The following GRID2 variants were observed in gnomAD, a reference collection of about 807,000 sequenced individuals.
GRID2 encodes the protein glutamate receptor ionotropic, delta-2.
Under a neutral mutation model 114.8 loss-of-function variants are expected in GRID2, and 33 were observed. That is an observed-to-expected ratio of 0.29 (90% CI 0.22 to 0.38). GRID2 has a LOEUF of 0.38. Among genes scored for constraint, GRID2 ranks in the 10% least tolerant of loss-of-function variants. The pLI is 1.00. For missense variants in GRID2, 1,184 were observed against 1,257.7 expected (o/e 0.94, Z 0.89); for synonymous variants, 505 against 449.9 (o/e 1.12, Z -1.55).
intron 10 of GRID2, among the ~76,000 whole-genome samples, chr4:93,430,314 G>A (rs892754008): frequency 1.7e-4 from 26 of 152,070 alleles, no homozygotes; most frequent in African/African-American, 6.0e-4. Context: ...CCAAGTAGCT[G>A]TGATTACACG....
At chr4:93,784,045 C>T (rs1288250040) in intron 1 of GRID2, among the ~76,000 whole-genome samples, 2 of 113,730 alleles carry the variant, frequency 1.8e-5, no homozygotes, top group East Asian at 6.1e-4. Flanking sequence ...GCACTCCAGC[C>T]TGGGCGACAG....
intron 2 of GRID2, among the ~76,000 whole-genome samples, chr4:92,912,126 A>C (rs1391953316): frequency 1.3e-5 from 2 of 151,860 alleles, no homozygotes; most frequent in African/African-American, 2.4e-5. Flanking sequence ...TTCTTGAAGA[A>C]GTTTTATTTA....
intron 2 of GRID2, among the ~76,000 whole-genome samples, chr4:92,841,932 G>A (rs909732587): frequency 1.3e-5 from 2 of 152,044 alleles, no homozygotes; most frequent in African/African-American, 4.8e-5. Flanking sequence ...CAAGGTGAAA[G>A]TGTAAATAGG....
At chr4:92,434,762 TTAATA>T (rs1437411409) in intron 1 of GRID2, among the ~76,000 whole-genome samples, 25 of 152,036 alleles carry the variant, frequency 1.6e-4, no homozygotes, top group Non-Finnish European at 5.9e-5. Context: ...AAAAGGGAAA[TTAATA>T]TAATATATAG....
chr4:93,676,572 T>C (rs1341216275), intron 14 of GRID2, among the ~76,000 whole-genome samples: 1 of 152,170 alleles, frequency 6.6e-6, no homozygotes, highest in African/African-American at 2.4e-5. Context: ...TTACAAATTA[T>C]GGGATTGTGT....
chr4:93,600,463 A>C (rs1285003347), intron 13 of GRID2, among the ~76,000 whole-genome samples: 3 of 152,202 alleles, frequency 2.0e-5, no homozygotes, highest in African/African-American at 7.2e-5. Context: ...AAACTCAAAA[A>C]TACTTAATTA....
chr4:92,410,944 A>G (rs987265216), intron 1 of GRID2, among the ~76,000 whole-genome samples: 27 of 151,846 alleles, frequency 1.8e-4, no homozygotes, highest in African/African-American at 6.1e-4. Context: ...GTATTTGACA[A>G]TAAAAGGGTT....
intron 1 of GRID2, among the ~76,000 whole-genome samples, chr4:92,448,794 A>G (rs1243552327): frequency 1.3e-5 from 2 of 152,130 alleles, no homozygotes; most frequent in Non-Finnish European, 2.9e-5. Context: ...ACACATTTAA[A>G]TATTTTATTA....
chr4:93,706,487 G>C (rs1469198689), intron 14 of GRID2, among the ~76,000 whole-genome samples: 1 of 152,072 alleles, frequency 6.6e-6, no homozygotes, highest in Non-Finnish European at 1.5e-5. Context: ...ATTGTAAACA[G>C]GATTATGTTC....
intron 8 of GRID2, among the ~76,000 whole-genome samples, chr4:93,252,014 G>A (rs1413163269): frequency 6.6e-6 from 1 of 152,126 alleles, no homozygotes; most frequent in Non-Finnish European, 1.5e-5. Context: ...GGATTGCTGG[G>A]TTTAGTGGTA....
intron 8 of GRID2, among the ~76,000 whole-genome samples, chr4:93,270,215 TACACACACACACACAC>T (rs34945534): frequency 2.2e-4 from 30 of 137,086 alleles, no homozygotes; most frequent in African/African-American, 4.3e-4. Flanking sequence ...CACACACACA[TACACACACACACACAC>T]ACACACACAC....
chr4:92,590,406 A>G (rs1001011652), intron 2 of GRID2, 120 bp downstream of exon 2: 2 of 674,954 alleles, frequency 3.0e-6, no homozygotes, highest in East Asian at 2.6e-5. Context: ...ATAGGGCATT[A>G]TTTTCCTTGG....
chr4:92,334,441 A>T (rs1478510578), intron 1 of GRID2, among the ~76,000 whole-genome samples: 1 of 152,022 alleles, frequency 6.6e-6, no homozygotes, highest in Non-Finnish European at 1.5e-5. Context: ...AAGAACAGAG[A>T]TTTATTTCTT....
At chr4:92,822,420 C>T in intron 2 of GRID2, 1 of 554,888 alleles carries the variant, frequency 1.8e-6, no homozygotes, top group Non-Finnish European at 3.5e-6. Flanking sequence ...ACCAGCTTGT[C>T]CCAGCTACAG....
intron 2 of GRID2, among the ~76,000 whole-genome samples, chr4:93,073,719 C>T (rs1316108372): frequency 6.6e-6 from 1 of 152,150 alleles, no homozygotes; most frequent in Non-Finnish European, 1.5e-5. Context: ...CTGGTAAAGA[C>T]TCCTGGGAGC....
rs112000817 is a variant in GRID2, at chr4:93,656,852, A to C, written c.2360+30417A>C. Among the ~76,000 whole-genome samples, 31 of 148,384 alleles carry C rather than the reference A, an allele frequency of 2.1e-4. 1 individual carries two copies. Among genetic ancestry groups the C allele is most frequent in the African/African-American group, 5.1e-4 (20 of 39,398 alleles). ...CTCAAAAAAAAAAAAAAAAAAAAAA[A>C]AAAAACAAATAATTCCAGCTGTCAT... is the stretch of plus-strand genomic sequence containing the variant. On this transcript the variant is annotated intron_variant, in intron 14 of 15. Coordinates refer to ENST00000282020, the MANE Select transcript of GRID2 (RefSeq NM_001510.4).
At chr4:93,135,237 G>C (rs1302597272) in intron 4 of GRID2, among the ~76,000 whole-genome samples, 1 of 152,068 alleles carries the variant, frequency 6.6e-6, no homozygotes, top group African/African-American at 2.4e-5. Flanking sequence ...AGGAGGCTTT[G>C]GGTTCAGTCT....
intron 2 of GRID2, among the ~76,000 whole-genome samples, chr4:92,675,863 AT>A (rs1733330160): frequency 1.3e-5 from 2 of 151,258 alleles, no homozygotes; most frequent in African/African-American, 4.9e-5. Context: ...CTGAGCTACC[AT>A]TTTTTTAGTG....
At chr4:92,830,679 T>C (rs915562223) in intron 2 of GRID2, among the ~76,000 whole-genome samples, 2 of 152,200 alleles carry the variant, frequency 1.3e-5, no homozygotes, top group Admixed American at 6.5e-5. Flanking sequence ...ATAAGTTCTG[T>C]TGAGTTTACT....
Sources: allele counts gnomAD v4.1 joint callset (sites outside exome capture counted in the v4.1 genomes callset), GRCh38; gene constraint gnomAD v4.1.1; transcripts MANE v1.5; gene names NCBI Gene and HGNC (gene_info 2026-07-23, HGNC 2026-07-21).